The following CELF2 variants were observed in gnomAD, a reference collection of about 807,000 sequenced individuals.
CELF2 encodes CUG triplet repeat RNA-binding protein 2.
A neutral mutation model predicts 62.6 loss-of-function variants in CELF2; 8 were observed. That is an observed-to-expected ratio of 0.13 (90% CI 0.07 to 0.23). CELF2 has a LOEUF of 0.23. CELF2 is among the 10% of genes least tolerant of loss of function. CELF2 has a pLI of 1.00. For missense variants in CELF2, 333 were observed against 671.0 expected, an observed-to-expected ratio of 0.50 and a Z score of 5.56; for synonymous variants, 258 against 250.0, an observed-to-expected ratio of 1.03 and a Z score of -0.30.
intron 1 of CELF2, among the ~76,000 whole-genome samples, chr10:11,146,875 C>T (rs2062385076): frequency 6.6e-6 from 1 of 152,178 alleles, no homozygotes; most frequent in South Asian, 2.1e-4. Flanking sequence ...AAAAGTAAGG[C>T]AGCTCAGCAG....
At chr10:10,715,191 A>G in the CELF2 span, among the ~76,000 whole-genome samples, 2 of 152,326 alleles carry the variant, frequency 1.3e-5, no homozygotes, top group Admixed American at 6.5e-5. Flanking sequence ...CAAAACCGTG[A>G]TATAAAATAA....
At chr10:10,768,403 G>C in the CELF2 span, among the ~76,000 whole-genome samples, 352 of 152,162 alleles carry the variant, frequency 2.3e-3, 1 homozygote, top group Admixed American at 3.2e-3. Context: ...AGTTTGGTTG[G>C]AGCCATGCAG....
In CELF2 at chr10:11,177,194, T is replaced by G. The variant is rs563837125; in HGVS notation, c.271+11512T>G. On this transcript the variant is annotated intron_variant, in intron 2 of 12. Transcript: ENST00000633077. The surrounding 1 kb of genome is among the most constrained non-coding windows in gnomAD (Gnocchi z 4.8). ...TAAAAAACACCCCTTTCTAAAAAAT[T>G]CACATTACTAAGGCATCCCCTACAC... 3.9e-5 allele frequency among the ~76,000 whole-genome samples: 6 copies of G among 152,280 alleles called. No homozygotes were observed. The highest frequency in any genetic ancestry group is 3.9e-4 in the Admixed American group (6 of 15,300).
the CELF2 span, among the ~76,000 whole-genome samples, chr10:10,471,061 G>A: frequency 8.6e-5 from 13 of 150,878 alleles, no homozygotes; most frequent in African/African-American, 3.2e-4. Context: ...GATACTTAGG[G>A]CCATTCTAGA....
At chr10:10,487,904 T>C in the CELF2 span, among the ~76,000 whole-genome samples, 1 of 152,132 alleles carries the variant, frequency 6.6e-6, no homozygotes, top group Admixed American at 6.5e-5. Context: ...AATCCAAAGA[T>C]TGCAAATGTT....
chr10:10,639,408 T>C, the CELF2 span, among the ~76,000 whole-genome samples: 1 of 152,228 alleles, frequency 6.6e-6, no homozygotes, highest in South Asian at 2.1e-4. Context: ...TCTTTGAAAA[T>C]GTTTCTATCT....
At chr10:10,876,665 C>T (rs2061116021) in intron 1 of CELF2, among the ~76,000 whole-genome samples, 1 of 152,102 alleles carries the variant, frequency 6.6e-6, no homozygotes, top group African/African-American at 2.4e-5. Context: ...TGACTCCTAC[C>T]CTCCCTGTAT....
At chr10:10,742,343 T>C in the CELF2 span, among the ~76,000 whole-genome samples, 2 of 152,160 alleles carry the variant, frequency 1.3e-5, no homozygotes, top group South Asian at 4.1e-4. Context: ...TACAATACTC[T>C]TTTGGGTGAG....
chr10:11,147,404 C>A (rs1227625904), intron 1 of CELF2, among the ~76,000 whole-genome samples: 1 of 152,104 alleles, frequency 6.6e-6, no homozygotes, highest in African/African-American at 2.4e-5. Flanking sequence ...ATTTAAAGAA[C>A]ACTTATTTTA....
At chr10:10,828,389 G>T (rs983381879) in intron 1 of CELF2, among the ~76,000 whole-genome samples, 1 of 152,230 alleles carries the variant, frequency 6.6e-6, no homozygotes, top group Non-Finnish European at 1.5e-5. Flanking sequence ...TGAGCATTAC[G>T]GTGAGTGAAA....
intron 1 of CELF2, among the ~76,000 whole-genome samples, chr10:10,850,994 C>T (rs534822871): frequency 8.6e-5 from 13 of 152,004 alleles, no homozygotes; most frequent in African/African-American, 1.7e-4. Flanking sequence ...TTAGTAGAGA[C>T]GGAGTTTTGC....
At chr10:10,464,560 G>C in the CELF2 span, among the ~76,000 whole-genome samples, 1 of 152,022 alleles carries the variant, frequency 6.6e-6, no homozygotes, top group Non-Finnish European at 1.5e-5. Flanking sequence ...AAGGCCAATA[G>C]ATCTTTGAAA....
At chr10:10,649,976 G>A in the CELF2 span, among the ~76,000 whole-genome samples, 1 of 151,662 alleles carries the variant, frequency 6.6e-6, no homozygotes, top group African/African-American at 2.4e-5. Context: ...ACACAGCCAG[G>A]ATATCCACCC....
the CELF2 span, among the ~76,000 whole-genome samples, chr10:10,505,758 C>A: frequency 6.6e-6 from 1 of 152,218 alleles, no homozygotes; most frequent in Non-Finnish European, 1.5e-5. Flanking sequence ...CACTACCTAG[C>A]AGATAGTTTT....
intron 1 of CELF2, among the ~76,000 whole-genome samples, chr10:11,150,547 G>C (rs1350207605): frequency 6.6e-6 from 1 of 152,208 alleles, no homozygotes; most frequent in Non-Finnish European, 1.5e-5. Flanking sequence ...ACCATTCAAA[G>C]TGGAGATTAT....
At chr10:10,730,104 C>T in the CELF2 span, among the ~76,000 whole-genome samples, 4 of 152,142 alleles carry the variant, frequency 2.6e-5, no homozygotes, top group Non-Finnish European at 5.9e-5. Flanking sequence ...ATAAAATTTA[C>T]TAGGGGACTT....
chr10:11,142,101 G>C (rs2061440221), intron 1 of CELF2, among the ~76,000 whole-genome samples: 1 of 152,238 alleles, frequency 6.6e-6, no homozygotes, highest in Admixed American at 6.5e-5. Context: ...GAAAACATCT[G>C]AGATTGCATA....
At chr10:10,771,044 G>A in the CELF2 span, among the ~76,000 whole-genome samples, 4 of 152,260 alleles carry the variant, frequency 2.6e-5, no homozygotes, top group African/African-American at 7.2e-5. Flanking sequence ...AAGAGATGAG[G>A]GAATAGACGA....
chr10:10,664,759 G>C, the CELF2 span, among the ~76,000 whole-genome samples: 526 of 152,294 alleles, frequency 3.5e-3, no homozygotes, highest in Non-Finnish European at 5.6e-3. Flanking sequence ...GCCCCAGTGT[G>C]TGGTTTAGGG....
Sources: gnomAD v4.1 joint callset for allele counts (sites outside exome capture counted in the v4.1 genomes callset) on GRCh38, gnomAD v4.1.1 for gene constraint, Gnocchi (gnomAD v3.1) non-coding constraint, MANE v1.5 for transcripts, NCBI Gene and HGNC (gene_info 2026-07-23, HGNC 2026-07-21) for gene names.